The following CECR2 variants were observed in gnomAD, a reference collection of about 807,000 sequenced individuals.
The protein encoded by CECR2 is CECR2 histone acetyl-lysine reader.
In CECR2, 30 loss-of-function variants were observed where a neutral mutation model predicts 154.5. The ratio of observed to expected loss-of-function variants is 0.19; its 90% CI spans 0.15 to 0.26. The LOEUF (loss-of-function observed/expected upper bound fraction) is 0.26, where lower values mean the gene tolerates loss of function less well. CECR2 is among the 10% of genes least tolerant of loss of function. The probability of loss-of-function intolerance (pLI) is 1.00; values close to 1 mark genes in which losing one functional copy is unlikely to be tolerated. For missense variants in CECR2, 1,743 were observed against 1,829.3 expected, an observed-to-expected ratio of 0.95 and a Z score of 0.86; for synonymous variants, 725 against 683.7, an observed-to-expected ratio of 1.06 and a Z score of -0.94.
At chr22:17,474,729 C>T (rs935532517) in intron 1 of CECR2, among the ~76,000 whole-genome samples, 3 of 152,202 alleles carry the variant, frequency 2.0e-5, no homozygotes, top group African/African-American at 7.2e-5. Context: ...AAAAGTGATC[C>T]TCTAAGGAGA....
chr22:17,390,625 T>C (rs1384588930), intron 1 of CECR2, among the ~76,000 whole-genome samples: 1 of 151,580 alleles, frequency 6.6e-6, no homozygotes, highest in Non-Finnish European at 1.5e-5. Flanking sequence ...AAACCAGGTG[T>C]TTTTATTTTG....
Position 17,369,721 on chromosome 22 carries a change from A to AGTCCCAGGTCGGCGGGC in CECR2, c.-62_-46dup, listed in dbSNP as rs2063031642. Reference sequence around the variant, plus strand: ...GAGGCTGCGGCGCTGCCGCGGCGGGAGTCCCAGGTCGGCGGGCAGAGCGCG... The same window carrying AGTCCCAGGTCGGCGGGC: ...GAGGCTGCGGCGCTGCCGCGGCGGGAGTCCCAGGTCGGCGGGCGTCCCAGGTCGGCGGGCAGAGCGCG... On this transcript the variant is annotated 5_prime_UTR_variant, in exon 1 of 19. Transcript: ENST00000262608. The AGTCCCAGGTCGGCGGGC allele has an allele frequency of 1.3e-5, 2 of 148,278 alleles. No individual in the cohort carries two copies. Among genetic ancestry groups the AGTCCCAGGTCGGCGGGC allele is most frequent in the African/African-American group, 4.9e-5 (2 of 40,590 alleles). The allele number at this position is 148,278 out of a possible 1,614,324, so 9.2% of individuals were successfully genotyped here. A position where few individuals can be genotyped will look rare whatever the true frequency, so the allele number is the denominator to read the frequency against.
At chr22:17,444,327 G>A (rs2054626901) in intron 1 of CECR2, among the ~76,000 whole-genome samples, 1 of 152,140 alleles carries the variant, frequency 6.6e-6, no homozygotes, top group African/African-American at 2.4e-5. Context: ...CTGGTAAGGA[G>A]TAATTAAAAA....
chr22:17,529,408 A>T (rs928980359), intron 9 of CECR2, among the ~76,000 whole-genome samples: 7 of 152,280 alleles, frequency 4.6e-5, no homozygotes, highest in African/African-American at 1.4e-4. Flanking sequence ...CCTTGTTAGA[A>T]GGGTTAAATG....
chr22:17,478,644 C>CG (rs1440685398), intron 2 of CECR2, among the ~76,000 whole-genome samples: 1 of 152,104 alleles, frequency 6.6e-6, no homozygotes, highest in Non-Finnish European at 1.5e-5. Context: ...CGTGAGCCAC[C>CG]GCGCCTGGCC....
At chr22:17,365,548 C>T (rs13053926), upstream of CECR2, among the ~76,000 whole-genome samples, 6,883 of 150,336 alleles carry the variant, frequency 0.046, 153 homozygotes, top group African/African-American at 0.067. Flanking sequence ...CAAAAAAAAT[C>T]AGCCAGGCGT....
chr22:17,387,424 TC>T (rs2063276320), intron 1 of CECR2, among the ~76,000 whole-genome samples: 1 of 152,010 alleles, frequency 6.6e-6, no homozygotes, highest in Non-Finnish European at 1.5e-5. Flanking sequence ...AGCTGAAAGG[TC>T]ATGGTGAGCA....
At chr22:17,441,023 T>G (rs1206073955) in intron 1 of CECR2, among the ~76,000 whole-genome samples, 1 of 152,016 alleles carries the variant, frequency 6.6e-6, no homozygotes, top group East Asian at 1.9e-4. Flanking sequence ...AGTGGAGTGA[T>G]CTCAGCTTAC....
chr22:17,500,589 C>T, intron 4 of CECR2, 42 bp from the exon 5 acceptor site: 1 of 1,373,736 alleles, frequency 7.3e-7, no homozygotes, highest in South Asian at 1.3e-5. Context: ...GTAGCAATGC[C>T]AATCCTGTGC....
At chr22:17,544,392 G>A (rs1360734140) in intron 16 of CECR2, among the ~76,000 whole-genome samples, 9 of 151,704 alleles carry the variant, frequency 5.9e-5, no homozygotes, top group East Asian at 1.9e-4. Context: ...CAGCTACTCC[G>A]GAGGCTGAGG....
intron 1 of CECR2, among the ~76,000 whole-genome samples, chr22:17,423,462 G>A (rs1402095211): frequency 3.3e-5 from 5 of 151,602 alleles, no homozygotes; most frequent in African/African-American, 7.3e-5. Flanking sequence ...AGCCAAGATC[G>A]CGCCACTGCA....
At chr22:17,488,412 C>T (rs368543616) in intron 2 of CECR2, among the ~76,000 whole-genome samples, 2 of 152,170 alleles carry the variant, frequency 1.3e-5, no homozygotes, top group African/African-American at 2.4e-5. Context: ...AGAAAATAGA[C>T]ATTTCTGTCT....
intron 1 of CECR2, among the ~76,000 whole-genome samples, chr22:17,449,322 G>T (rs2054728962): frequency 6.6e-6 from 1 of 151,826 alleles, no homozygotes; most frequent in Admixed American, 6.6e-5. Context: ...TCACCTGTTT[G>T]TCTGTTTCTC....
At chr22:17,511,780 C>T (rs1440441925) in intron 7 of CECR2, 33 bp from the exon 8 acceptor site, 10 of 1,582,832 alleles carry the variant, frequency 6.3e-6, no homozygotes, top group Non-Finnish European at 8.6e-6. Context: ...CCTAATCTAT[C>T]TTTTCCTTTC....
intron 2 of CECR2, among the ~76,000 whole-genome samples, chr22:17,489,072 T>C (rs7292068): frequency 0.17 from 26,488 of 152,038 alleles, 2,371 homozygotes; most frequent in Non-Finnish European, 0.19. Flanking sequence ...GCCTCCCAAG[T>C]AGCTGGGATT....
intron 13 of CECR2, among the ~76,000 whole-genome samples, chr22:17,540,064 C>T (rs1270708316): frequency 6.6e-6 from 1 of 152,152 alleles, no homozygotes; most frequent in Non-Finnish European, 1.5e-5. Flanking sequence ...AACTCCTGGG[C>T]TCAAGTGATC....
Position 17,552,876 on chromosome 22 carries a change from T to G in CECR2, c.*36T>G. ...AAATGAGCCCCAAGCAATGGAAAGC[T>G]GCACACGAAGACTGGAATGTGGAGA... On this transcript the variant is annotated 3_prime_UTR_variant, in exon 19 of 19. Coordinates refer to ENST00000262608, the MANE Select transcript of CECR2 (RefSeq NM_001290047.2). 1 of 1,542,018 alleles carries G rather than the reference T, an allele frequency of 6.5e-7. No individual in the cohort carries two copies. Among genetic ancestry groups the G allele is most frequent in the East Asian group, 2.5e-5 (1 of 40,742 alleles).
chr22:17,483,018 C>T (rs2055356135), intron 2 of CECR2, among the ~76,000 whole-genome samples: 1 of 152,152 alleles, frequency 6.6e-6, no homozygotes, highest in South Asian at 2.1e-4. Flanking sequence ...TATACAACAG[C>T]CTCAGGCGGT....
intron 7 of CECR2, among the ~76,000 whole-genome samples, chr22:17,509,582 C>G (rs886187013): frequency 1.9e-4 from 29 of 152,166 alleles, no homozygotes; most frequent in Admixed American, 5.9e-4. Flanking sequence ...GCACACACCA[C>G]CACGCCCAGT....
Sources: allele counts gnomAD v4.1 joint callset (sites outside exome capture counted in the v4.1 genomes callset), GRCh38; gene constraint gnomAD v4.1.1; transcripts MANE v1.5; gene names NCBI Gene and HGNC (gene_info 2026-07-23, HGNC 2026-07-21).